Variants in DOCK8 observed in about 807,000 individuals in gnomAD.
The protein encoded by DOCK8 is dedicator of cytokinesis protein 8.
Under a neutral mutation model 245.6 loss-of-function variants are expected in DOCK8, and 141 were observed. The ratio of observed to expected loss-of-function variants is 0.57; its 90% confidence interval spans 0.50 to 0.66. The LOEUF (loss-of-function observed/expected upper bound fraction) is 0.66. Among genes scored for constraint, DOCK8 ranks in the 30% least tolerant of loss-of-function variants. The pLI, the probability that DOCK8 is intolerant of heterozygous loss-of-function variation, is 0.00. For synonymous variants in DOCK8, 1,168 were observed against 970.2 expected (o/e 1.20, Z -3.79); for missense variants, 2,965 against 2,603.4 (o/e 1.14, Z -3.02).
At position 389,257 on chromosome 9, in the gene DOCK8, G is replaced by T. The variant is rs146082333; in HGVS notation, c.2875-1214G>T. 3.0e-4 allele frequency among the ~76,000 whole-genome samples: 46 copies of T among 152,276 alleles called. No homozygotes were observed. In the East Asian group the frequency reaches 8.3e-3, roughly 27 times the overall value. ...TCTTCCTCATCAAAATGATTGTCAGGAATATGAACACATAGCCAGATATGC... is the reference window on the plus strand; with the variant it reads ...TCTTCCTCATCAAAATGATTGTCAGTAATATGAACACATAGCCAGATATGC... On this transcript the variant is annotated intron_variant, in intron 23 of 47. Transcript: ENST00000432829.
At chr9:461,552 T>C (rs1161299156) in intron 46 of DOCK8, among the ~76,000 whole-genome samples, 3 of 140,858 alleles carry the variant, frequency 2.1e-5, no homozygotes, top group African/African-American at 8.0e-5. Flanking sequence ...TTTTTTTTTT[T>C]TTTTGGTGAG....
chr9:283,008 C>G (rs2048657929), intron 2 of DOCK8, among the ~76,000 whole-genome samples: 1 of 152,070 alleles, frequency 6.6e-6, no homozygotes, highest in Admixed American at 6.6e-5. Flanking sequence ...ACGTGTGGGT[C>G]CTGGTAAATA....
chr9:250,482 C>A (rs539632738), intron 1 of DOCK8, among the ~76,000 whole-genome samples: 2 of 152,294 alleles, frequency 1.3e-5, no homozygotes, highest in African/African-American at 4.8e-5. Context: ...CTCATCAAAA[C>A]AAGACCCTCT....
intron 7 of DOCK8, among the ~76,000 whole-genome samples, chr9:324,495 C>G (rs184908345): frequency 9.3e-4 from 142 of 152,238 alleles, no homozygotes; most frequent in Middle Eastern, 3.4e-3. Flanking sequence ...CACCAAGATA[C>G]TAAAGGCAAA....
chr9:313,823 T>A (rs2050230778), intron 6 of DOCK8, among the ~76,000 whole-genome samples: 1 of 152,276 alleles, frequency 6.6e-6, no homozygotes, highest in South Asian at 2.1e-4. Context: ...TGATTTAATC[T>A]TTCTACAATG....
At chr9:287,358 TA>T (rs199806513) in intron 3 of DOCK8, among the ~76,000 whole-genome samples, 4 of 151,538 alleles carry the variant, frequency 2.6e-5, no homozygotes, top group East Asian at 1.9e-4. Context: ...TTCTAAAATG[TA>T]AAAAAAAATG....
chr9:375,096 T>C (rs2053464048), intron 18 of DOCK8, among the ~76,000 whole-genome samples: 1 of 152,164 alleles, frequency 6.6e-6, no homozygotes, highest in Non-Finnish European at 1.5e-5. Flanking sequence ...CTTTCAAATA[T>C]TGGTAATTAA....
intron 14 of DOCK8, chr9:365,645 G>A (rs192415319): frequency 6.6e-6 from 3 of 455,044 alleles, no homozygotes; most frequent in East Asian, 1.4e-4. Context: ...AGCCCTTTGA[G>A]GTCGATGCAA....
intron 19 of DOCK8, 73 bp downstream of exon 19, chr9:376,378 G>A (rs2053516907): frequency 2.8e-6 from 3 of 1,073,906 alleles, no homozygotes; most frequent in African/African-American, 3.1e-5. Context: ...GCCAATAAAA[G>A]ATCAGTGAAA....
chr9:389,018 T>A (rs1451923526), intron 23 of DOCK8, among the ~76,000 whole-genome samples: 1 of 152,112 alleles, frequency 6.6e-6, no homozygotes, highest in African/African-American at 2.4e-5. Context: ...AAAAAATGAG[T>A]TTATCTACGT....
intron 18 of DOCK8, among the ~76,000 whole-genome samples, chr9:372,789 A>G (rs1487717111): frequency 6.7e-6 from 1 of 149,550 alleles, no homozygotes; most frequent in Non-Finnish European, 1.5e-5. Flanking sequence ...GCACCCATTT[A>G]AAGAGAAGCC....
At chr9:320,194 A>G (rs2050529002) in intron 7 of DOCK8, among the ~76,000 whole-genome samples, 1 of 97,410 alleles carries the variant, frequency 1.0e-5, no homozygotes, top group Non-Finnish European at 2.1e-5. Context: ...GTGATCAGAG[A>G]TGGCTGGGCT....
chr9:284,343 G>A (rs1428964489), intron 2 of DOCK8: 2 of 152,238 alleles, frequency 1.3e-5, no homozygotes, highest in African/African-American at 4.8e-5. Context: ...GGCTCCTTTA[G>A]CCCCTCATGG....
intron 14 of DOCK8, among the ~76,000 whole-genome samples, chr9:353,314 G>C (rs1293135040): frequency 1.3e-5 from 2 of 152,164 alleles, no homozygotes; most frequent in Non-Finnish European, 2.9e-5. Flanking sequence ...CAGCAGACCT[G>C]CTGCTTCCCC....
chr9:403,262 C>T (rs2055199318), intron 26 of DOCK8, among the ~76,000 whole-genome samples: 1 of 152,136 alleles, frequency 6.6e-6, no homozygotes, highest in Non-Finnish European at 1.5e-5. Context: ...TTTTAAGTGC[C>T]AATGTGTTGT....
intron 1 of DOCK8, among the ~76,000 whole-genome samples, chr9:243,967 G>A (rs76771381): frequency 0.043 from 6,554 of 151,942 alleles, 183 homozygotes; most frequent in South Asian, 0.067. Flanking sequence ...GGCAGATCAC[G>A]AGGTCAGGAG....
In DOCK8 at chr9:443,219, T is replaced by C. The variant is rs573625046; in HGVS notation, c.5491-208T>C. Reference sequence around the variant, plus strand: ...TGAATTAGAGGCCAAGCATACATCTTATAGGGAAGCATATACCAGTTGACA... The same window carrying C: ...TGAATTAGAGGCCAAGCATACATCTCATAGGGAAGCATATACCAGTTGACA... On this transcript the variant is annotated intron_variant, in intron 42 of 47. Transcript: ENST00000432829. Among the ~76,000 whole-genome samples, 18 of 152,304 alleles carry C rather than the reference T, an allele frequency of 1.2e-4. No homozygotes were observed. In the South Asian group the frequency reaches 2.5e-3, roughly 21 times the overall value.
At chr9:245,233 C>G (rs1046114879) in intron 1 of DOCK8, among the ~76,000 whole-genome samples, 5 of 152,108 alleles carry the variant, frequency 3.3e-5, no homozygotes, top group African/African-American at 4.8e-5. Context: ...GAGATGAAGT[C>G]TCACACTGTC....
chr9:214,913 G>A lies in DOCK8; in HGVS notation c.-64G>A, dbSNP rs1380199270. On this transcript the variant is annotated 5_prime_UTR_variant, in exon 1 of 48. Coordinates refer to ENST00000432829, the MANE Select transcript of DOCK8 (RefSeq NM_203447.4). The stretch of plus-strand genomic sequence containing the variant: ...TGGGCATGTTCCGCGGCTACTCTGC[G>A]GCGCGCCAGGCCCCCGCTTTCCGCA... The A allele has an allele frequency of 1.2e-6, 2 of 1,603,600 alleles. No homozygotes were observed. Among genetic ancestry groups the A allele is most frequent in the East Asian group, 2.3e-5 (1 of 43,898 alleles).
Sources: gnomAD v4.1 joint callset for allele counts (sites outside exome capture counted in the v4.1 genomes callset) on GRCh38, gnomAD v4.1.1 for gene constraint, MANE v1.5 for transcripts, NCBI Gene and HGNC (gene_info 2026-07-23, HGNC 2026-07-21) for gene names.